The following SPECC1L variants were observed in gnomAD, a reference collection of about 807,000 sequenced individuals.
The protein encoded by SPECC1L is cytospin-A.
SPECC1L carries 40 observed loss-of-function variants against 116.8 expected under a neutral mutation model. The observed-to-expected ratio is 0.34, with a 90% CI of 0.27 to 0.45. SPECC1L has a LOEUF of 0.45. SPECC1L is among the 20% of genes least tolerant of loss of function. The pLI, the probability that SPECC1L is intolerant of heterozygous loss-of-function variation, is 1.00. For missense variants in SPECC1L, 1,110 were observed against 1,373.6 expected, an observed-to-expected ratio of 0.81 and a Z score of 3.03; for synonymous variants, 504 against 500.6, an observed-to-expected ratio of 1.01 and a Z score of -0.09.
At position 24,334,473 on chromosome 22, in the gene SPECC1L, C is replaced by G. The variant is rs887480145; in HGVS notation, c.2460C>G (p.Ala820=). Reference sequence around the variant, plus strand: ...ATGCCGTTGAGAGAGATTTGGCAGCCTTAAGGCAGGGAATGGGACTGAGTA... The same window carrying G: ...ATGCCGTTGAGAGAGATTTGGCAGCGTTAAGGCAGGGAATGGGACTGAGTA... ...YMNAVERDLA[A]LRQGMGLSRR... Residue 820 remains alanine, a synonymous_variant, in exon 9 of 17, where the codon GCC becomes GCG. Coordinates refer to ENST00000314328, the MANE Select transcript of SPECC1L (RefSeq NM_015330.6). 5.6e-6 allele frequency: 9 copies of G among 1,614,012 alleles called. No homozygotes were observed. The Admixed American group carries it at 1.3e-4, about 24-fold the overall frequency.
chr22:24,398,301 C>A (rs1569447995), intron 14 of SPECC1L, among the ~76,000 whole-genome samples: 2 of 151,586 alleles, frequency 1.3e-5, no homozygotes, highest in Non-Finnish European at 2.9e-5. Flanking sequence ...TTTGTTAAAT[C>A]TTCATCATTA....
intron 13 of SPECC1L, among the ~76,000 whole-genome samples, chr22:24,368,036 A>T (rs1369765814): frequency 6.6e-6 from 1 of 152,172 alleles, no homozygotes; most frequent in East Asian, 1.9e-4. Context: ...GAATGAGTAG[A>T]ATTGGAAGTC....
In SPECC1L at chr22:24,384,885, G is replaced by T. The variant is rs1177727493; in HGVS notation, c.3087+15565G>T. On this transcript the variant is annotated intron_variant, in intron 14 of 16. Transcript: ENST00000314328. ...AGGTCAGGAGATCAAGACCATCCTG[G>T]CTAACATAGTGAAACCCCGTCTCAA... Among the ~76,000 whole-genome samples the T allele has an allele frequency of 2.0e-5, 3 of 152,002 alleles. No individual in the cohort carries two copies. The East Asian group carries it at 5.8e-4, about 29-fold the overall frequency.
At chr22:24,379,701 G>A (rs958994524) in intron 14 of SPECC1L, among the ~76,000 whole-genome samples, 60 of 152,128 alleles carry the variant, frequency 3.9e-4, no homozygotes, top group African/African-American at 4.8e-5. Flanking sequence ...ATTTCCTATC[G>A]ACACTTCTTT....
At chr22:24,299,101 A>C (rs1427110541) in intron 2 of SPECC1L, among the ~76,000 whole-genome samples, 1 of 152,190 alleles carries the variant, frequency 6.6e-6, no homozygotes, top group Non-Finnish European at 1.5e-5. Context: ...ATTTCTGACC[A>C]TTTTAGTCCT....
chr22:24,412,507 G>A (rs1302151775), intron 15 of SPECC1L, 141 bp from the exon 16 acceptor site: 1 of 784,696 alleles, frequency 1.3e-6, no homozygotes, highest in Non-Finnish European at 2.2e-6. Context: ...CAGAAGCTCA[G>A]GCTCCCAGCA....
intron 11 of SPECC1L, among the ~76,000 whole-genome samples, chr22:24,351,202 T>C (rs1443014426): frequency 1.3e-5 from 2 of 152,222 alleles, no homozygotes; most frequent in African/African-American, 2.4e-5. Flanking sequence ...TGTTAAAATA[T>C]AGAATGTTGG....
At chr22:24,312,734 G>A (rs1055660768) in intron 3 of SPECC1L, among the ~76,000 whole-genome samples, 3 of 151,952 alleles carry the variant, frequency 2.0e-5, no homozygotes, top group African/African-American at 2.4e-5. Flanking sequence ...AAGTAATAAC[G>A]ATCATTTAGA....
In SPECC1L at chr22:24,388,789, A is replaced by C. The variant is rs1601330258; in HGVS notation, c.3087+19469A>C. The stretch of plus-strand genomic sequence containing the variant: ...TATGGGCCTACCACAGATATCTTAT[A>C]AAAGTTAACTTCTGAGAGTTGAGTT... On this transcript the variant is annotated intron_variant, in intron 14 of 16. Transcript: ENST00000314328. Among the ~76,000 whole-genome samples the C allele has an allele frequency of 1.4e-4, 5 of 35,534 alleles. No individual in the cohort carries two copies. In the Admixed American group the frequency reaches 1.5e-3, roughly 10 times the overall value. 23.3% of individuals were successfully genotyped at this position (35,534 alleles called of 152,430 possible). A position where few individuals can be genotyped will look rare whatever the true frequency, so the allele number is the denominator to read the frequency against.
At chr22:24,407,855 C>G (rs2042622062) in intron 14 of SPECC1L, among the ~76,000 whole-genome samples, 1 of 152,152 alleles carries the variant, frequency 6.6e-6, no homozygotes, top group Admixed American at 6.5e-5. Context: ...TACTTCATTC[C>G]TGCCTCTTCT....
At chr22:24,311,640 A>C (rs1436721487) in intron 3 of SPECC1L, among the ~76,000 whole-genome samples, 1 of 151,998 alleles carries the variant, frequency 6.6e-6, no homozygotes, top group Non-Finnish European at 1.5e-5. Flanking sequence ...CCCCATCTCT[A>C]CTAAGAATAT....
intron 14 of SPECC1L, among the ~76,000 whole-genome samples, chr22:24,373,604 C>A (rs533807216): frequency 2.0e-5 from 3 of 152,334 alleles, no homozygotes; most frequent in African/African-American, 7.2e-5. Context: ...CCCTTCCTTA[C>A]ACTTTATGCA....
intron 4 of SPECC1L, among the ~76,000 whole-genome samples, chr22:24,317,356 A>G (rs1368079964): frequency 2.0e-5 from 2 of 98,488 alleles, no homozygotes; most frequent in Non-Finnish European, 2.1e-5. Flanking sequence ...CTGGCCGGGC[A>G]GAGGGGCTCC....
intron 14 of SPECC1L, among the ~76,000 whole-genome samples, chr22:24,402,559 C>T (rs370406514): frequency 1.3e-5 from 2 of 152,312 alleles, no homozygotes; most frequent in South Asian, 2.1e-4. Flanking sequence ...CAGCAGGTTT[C>T]ATTCTGAGTG....
intron 14 of SPECC1L, among the ~76,000 whole-genome samples, chr22:24,396,669 GAAT>G (rs2042375488): frequency 1.3e-5 from 2 of 152,032 alleles, no homozygotes; most frequent in Admixed American, 1.3e-4. Context: ...CATTTCCAGG[GAAT>G]AATTTAACCT....
chr22:24,297,862 G>C (rs2049297910), intron 2 of SPECC1L, among the ~76,000 whole-genome samples: 1 of 152,220 alleles, frequency 6.6e-6, no homozygotes, highest in Non-Finnish European at 1.5e-5. Context: ...CAGATTAACT[G>C]TCTGGTATCA....
rs1204845505 is a variant in SPECC1L, at chr22:24,278,728, A to G, written c.-38+1925A>G. Among the ~76,000 whole-genome samples, 4 of 152,340 alleles carry G rather than the reference A, an allele frequency of 2.6e-5. No homozygotes were observed. The East Asian group carries it at 7.7e-4, about 29-fold the overall frequency. On this transcript the variant is annotated intron_variant, in intron 2 of 16. Transcript: ENST00000314328. The stretch of plus-strand genomic sequence containing the variant: ...TTGAATCGTTGGCAGCTTTCTTAGT[A>G]GTATAAATACAGTACTAAAGATGAA...
chr22:24,322,650 C>T lies in SPECC1L; in HGVS notation c.1670C>T (p.Ala557Val). The change falls in exon 5 of 17, where the codon GCC becomes GTC. Residue 557 changes from alanine (A) to valine (V), a missense_variant. Ala to Val is a moderately conservative substitution (Grantham distance 64, BLOSUM62 0). This residue lies in a region of SPECC1L where 575 missense variants were observed against 682.4 expected (regional missense o/e 0.84). Transcript: ENST00000314328. ...IIESEQKGKAALAATLEEYKA... is the reference protein window; with the variant it reads ...IIESEQKGKAVLAATLEEYKA... Reference sequence around the variant, plus strand: ...GAGTCTGAGCAGAAAGGAAAAGCAGCCTTGGCAGCCACGTTAGAGGAATAC... The same window carrying T: ...GAGTCTGAGCAGAAAGGAAAAGCAGTCTTGGCAGCCACGTTAGAGGAATAC... 1 of 1,613,720 alleles carries T rather than the reference C, an allele frequency of 6.2e-7. No homozygotes were observed. The highest frequency in any genetic ancestry group is 8.5e-7 in the Non-Finnish European group (1 of 1,179,898).
intron 14 of SPECC1L, among the ~76,000 whole-genome samples, chr22:24,407,843 C>T (rs770370866): frequency 1.3e-5 from 2 of 152,166 alleles, no homozygotes; most frequent in Non-Finnish European, 2.9e-5. Context: ...ATTTGTCTTG[C>T]ATACTTCATT....
Sources: allele counts gnomAD v4.1 joint callset (sites outside exome capture counted in the v4.1 genomes callset), GRCh38; gene constraint gnomAD v4.1.1; regional missense constraint gnomAD v4.1.1; transcripts MANE v1.5; gene names NCBI Gene and HGNC (gene_info 2026-07-23, HGNC 2026-07-21).